Variants in MMP8 observed in about 807,000 individuals in gnomAD.
The protein encoded by MMP8 is matrix metallopeptidase 8.
MMP8 carries 67 observed loss-of-function variants against 51.2 expected under a neutral mutation model. The observed-to-expected ratio is 1.31, with a 90% confidence interval of 1.08 to 1.60. The LOEUF (loss-of-function observed/expected upper bound fraction) is 1.60, where lower values mean the gene tolerates loss of function less well. MMP8 is among the 40% of genes most tolerant of loss of function. The pLI is 0.00. For synonymous variants in MMP8, 225 were observed against 191.0 expected, an observed-to-expected ratio of 1.18 and a Z score of -1.47; for missense variants, 654 against 558.1, an observed-to-expected ratio of 1.17 and a Z score of -1.73.
intron 2 of MMP8, 55 bp downstream of exon 2, chr11:102,722,374 A>C: frequency 1.3e-6 from 2 of 1,573,144 alleles, no homozygotes; most frequent in Non-Finnish European, 1.7e-6. Flanking sequence ...CTGTCATATA[A>C]GAGCCCAGTC....
chr11:102,721,394 A>T lies in MMP8; in HGVS notation c.622+7T>A. 1 of 1,613,510 alleles carries T rather than the reference A, an allele frequency of 6.2e-7. No individual in the cohort carries two copies. The highest frequency in any genetic ancestry group is 8.5e-7 in the Non-Finnish European group (1 of 1,179,652). ...GCTGTGTGTGGACATAATCTTGATT[A>T]ACTTACTTGCGGAGGTGTTGGTCCA... On this transcript the variant is annotated splice_region_variant and intron_variant, in intron 4 of 9. Coordinates refer to ENST00000236826, the MANE Select transcript of MMP8 (RefSeq NM_002424.3).
chr11:102,713,691 C>A, intron 9 of MMP8, 63 bp downstream of exon 9: 1 of 1,372,468 alleles, frequency 7.3e-7, no homozygotes, highest in East Asian at 2.3e-5. Context: ...CATAGTAAGA[C>A]CCTGTCTCCT....
chr11:102,721,699 A>G lies in MMP8; in HGVS notation c.411T>C (p.Phe137=), dbSNP rs1479545619. The part of the protein sequence containing the change: ...AEVERAIKDA[F]ELWSVASPLI... Reference sequence around the variant, plus strand: ...GAGGTGATGCAACACTCCAGAGTTCAAAGGCATCCTTGATAGCTCTTTCTA... The same window carrying G: ...GAGGTGATGCAACACTCCAGAGTTCGAAGGCATCCTTGATAGCTCTTTCTA... The change falls in exon 3 of 10, where the codon TTT becomes TTC. Residue 137 remains phenylalanine, a synonymous_variant. Transcript: ENST00000236826. The G allele has an allele frequency of 6.2e-7, 1 of 1,613,896 alleles. No individual in the cohort carries two copies.
At chr11:102,716,200 T>C in intron 6 of MMP8, 102 bp downstream of exon 6, 4 of 840,508 alleles carry the variant, frequency 4.8e-6, no homozygotes, top group Non-Finnish European at 5.7e-6. Flanking sequence ...AGCACAAGTA[T>C]AGAATTCAAG....
In MMP8 at chr11:102,722,425, T is replaced by C. The variant is rs565484322; in HGVS notation, c.347+4A>G. On this transcript the variant is annotated splice_donor_region_variant and intron_variant, in intron 2 of 9. Transcript: ENST00000236826. ...AGTGTATCCTGAAACCCTAGAGATATCACCTGTAGGTCAAGTTAGTGCGTT... is the reference window on the plus strand; with the variant it reads ...AGTGTATCCTGAAACCCTAGAGATACCACCTGTAGGTCAAGTTAGTGCGTT... 6.2e-7 allele frequency: 1 copy of C among 1,613,464 alleles called. No homozygotes were observed. The highest frequency in any genetic ancestry group is 1.3e-5 in the African/African-American group (1 of 74,994).
rs1217338538 is a variant in MMP8, at chr11:102,712,756, C to T, written c.*592G>A. The T allele has an allele frequency of 1.3e-5, 2 of 152,290 alleles. No individual in the cohort carries two copies. Among genetic ancestry groups the T allele is most frequent in the African/African-American group, 4.8e-5 (2 of 41,428 alleles). 9.4% of individuals were successfully genotyped at this position (152,290 alleles called of 1,614,324 possible). On this transcript the variant is annotated 3_prime_UTR_variant, in exon 10 of 10. Transcript: ENST00000236826. Reference sequence around the variant, plus strand: ...GATCTCACCTTAACTTAACTAATTACATCTGCAAAGACCCTGGTAAGCTCA... The same window carrying T: ...GATCTCACCTTAACTTAACTAATTATATCTGCAAAGACCCTGGTAAGCTCA...
intron 1 of MMP8, 196 bp from the exon 2 acceptor site, chr11:102,722,869 A>G: frequency 9.6e-7 from 1 of 1,038,436 alleles, no homozygotes; most frequent in Non-Finnish European, 1.4e-6. Flanking sequence ...TCAGTGCTCC[A>G]GTTAATGGTT....
At chr11:102,722,124 A>T (rs745653665) in intron 2 of MMP8, among the ~76,000 whole-genome samples, 1 of 151,924 alleles carries the variant, frequency 6.6e-6, no homozygotes, top group Non-Finnish European at 1.5e-5. Flanking sequence ...GAGGGACTTG[A>T]CTCTCTCCAG....
chr11:102,716,423 G>GGAA lies in MMP8; in HGVS notation c.785-5_785-4insTTC, dbSNP rs776993628. On this transcript the variant is annotated splice_region_variant and splice_polypyrimidine_tract_variant and intron_variant, in intron 5 of 9. Coordinates refer to ENST00000236826, the MANE Select transcript of MMP8 (RefSeq NM_002424.3). ...TGGATAGGGTTGCTTGAAAGTCCTGGAAAAAAAAAAAAAAAAAAAAAAAAG... is the reference window on the plus strand; with the variant it reads ...TGGATAGGGTTGCTTGAAAGTCCTGGGAAAAAAAAAAAAAAAAAAAAAAAAAAG... 32 of 395,642 alleles carry GGAA rather than the reference G, an allele frequency of 8.1e-5. No homozygotes were observed. In the African/African-American group the frequency reaches 1.1e-3, roughly 13 times the overall value. The allele number at this position is 395,642 out of a possible 1,614,324, so 24.5% of individuals were successfully genotyped here.
chr11:102,713,406 G>T lies in MMP8; in HGVS notation c.1346C>A (p.Ala449Asp), dbSNP rs1198305547. The change falls in exon 10 of 10, where the codon GCT becomes GAT. Residue 449 changes from alanine (A) to aspartate (D), a missense_variant. Ala to Asp is a moderately radical substitution (Grantham distance 126). Transcript: ENST00000236826. ...GPRYYAFDLI[A>D]QRVTRVARGN... ...TCTTGCAACTCTGGTAACTCTCTGA[G>T]CAATAAGATCAAATGCGTAATATCT... 6.2e-7 allele frequency: 1 copy of T among 1,613,610 alleles called. No individual in the cohort carries two copies. Among genetic ancestry groups the T allele is most frequent in the Non-Finnish European group, 8.5e-7 (1 of 1,179,666 alleles).
rs762970195 is a variant in MMP8 at position 102,714,596 on chromosome 11, T to A, written c.1150A>T (p.Arg384Ter). The A allele has an allele frequency of 6.6e-7, 1 of 1,517,286 alleles. No homozygotes were observed. The highest frequency in any genetic ancestry group is 1.3e-5 in the South Asian group (1 of 75,274). The allele number at this position is 1,517,286 out of a possible 1,614,324, so 94.0% of individuals were successfully genotyped here. A position where few individuals can be genotyped will look rare whatever the true frequency, so the allele number is the denominator to read the frequency against. Residue 384 changes from arginine to a stop codon, truncating the protein, a stop_gained, in exon 8 of 10, where the codon AGA becomes TGA. Transcript: ENST00000236826. LOFTEE classifies it high-confidence loss of function. ...VQAIDAAVFY[R>*]SKTYFFVNDQ... is the part of the protein sequence containing the mutation. Reference sequence around the variant, plus strand: ...TTTACAAAGAAGTATGTTTTACTTCTGTAGAAAACAGCTGCGTCAATTGCT... The same window carrying A: ...TTTACAAAGAAGTATGTTTTACTTCAGTAGAAAACAGCTGCGTCAATTGCT...
chr11:102,716,171 A>C (rs1017296495), intron 6 of MMP8, 131 bp downstream of exon 6: 6 of 634,454 alleles, frequency 9.5e-6, no homozygotes, highest in Non-Finnish European at 1.6e-5. Flanking sequence ...CCCAGAACCT[A>C]TAAAAAATTC....
chr11:102,722,146 C>T (rs180741224), intron 2 of MMP8, among the ~76,000 whole-genome samples: 3 of 151,904 alleles, frequency 2.0e-5, no homozygotes, highest in Admixed American at 6.6e-5. Context: ...AATGATTAAG[C>T]CTTTGTTGGG....
chr11:102,724,592 T>A (rs1300329795), intron 1 of MMP8, among the ~76,000 whole-genome samples, 162 bp downstream of exon 1: 1 of 152,224 alleles, frequency 6.6e-6, no homozygotes, highest in South Asian at 2.1e-4. Flanking sequence ...GCCTAGTCCT[T>A]ACCAGCTTGG....
In MMP8 at chr11:102,714,875, G is replaced by A. The variant is rs562758243; in HGVS notation, c.1037-166C>T. On this transcript the variant is annotated intron_variant, in intron 7 of 9. Transcript: ENST00000236826. ...GTCTTTAAAAGATGAAGATGATAAAGTTAAGTTCAGGGGGGCTGTGAGAGC... is the reference window on the plus strand; with the variant it reads ...GTCTTTAAAAGATGAAGATGATAAAATTAAGTTCAGGGGGGCTGTGAGAGC... Among the ~76,000 whole-genome samples, 28 of 148,862 alleles carry A rather than the reference G, an allele frequency of 1.9e-4. No individual in the cohort carries two copies. The South Asian group carries it at 5.7e-3, about 30-fold the overall frequency.
At chr11:102,715,810 A>G (rs1360487261) in intron 6 of MMP8, among the ~76,000 whole-genome samples, 4 of 152,238 alleles carry the variant, frequency 2.6e-5, no homozygotes, top group Non-Finnish European at 5.9e-5. Context: ...TTGCACACTC[A>G]CAAAATAGCC....
Position 102,716,423 on chromosome 11 carries a change from G to GAAAAA in MMP8, c.785-9_785-5dup, listed in dbSNP as rs751481811. On this transcript the variant is annotated splice_region_variant and splice_polypyrimidine_tract_variant and intron_variant, in intron 5 of 9. Coordinates refer to ENST00000236826, the MANE Select transcript of MMP8 (RefSeq NM_002424.3). ...TGGATAGGGTTGCTTGAAAGTCCTG[G>GAAAAA]AAAAAAAAAAAAAAAAAAAAAAAAG... 1.2e-3 allele frequency: 470 copies of GAAAAA among 395,582 alleles called. 6 individuals are homozygous for GAAAAA. The African/African-American group carries it at 0.013, about 11-fold the overall frequency. The allele number at this position is 395,582 out of a possible 1,614,324, so 24.5% of individuals were successfully genotyped here.
rs1389400383 is a variant in MMP8, at chr11:102,722,068, T to C, written c.348-306A>G. Among the ~76,000 whole-genome samples the C allele has an allele frequency of 4.6e-5, 7 of 152,236 alleles. No individual in the cohort carries two copies. In the East Asian group the frequency reaches 1.4e-3, roughly 29 times the overall value. The stretch of plus-strand genomic sequence containing the variant: ...CATTACTTGTCAAATAGTAATAATA[T>C]TCCACAAATATTAGATATTATTATT... On this transcript the variant is annotated intron_variant, in intron 2 of 9. Coordinates refer to ENST00000236826, the MANE Select transcript of MMP8 (RefSeq NM_002424.3).
intron 5 of MMP8, 73 bp downstream of exon 5, chr11:102,718,341 T>C: frequency 1.4e-6 from 2 of 1,427,108 alleles, no homozygotes; most frequent in Non-Finnish European, 1.9e-6. Context: ...AAGGAAGAGA[T>C]ATTCAGATTC....
Sources: allele counts gnomAD v4.1 joint callset (sites outside exome capture counted in the v4.1 genomes callset), GRCh38; gene constraint gnomAD v4.1.1; transcripts MANE v1.5; gene names NCBI Gene and HGNC (gene_info 2026-07-23, HGNC 2026-07-21).